PMS2: variants seen among roughly 807,000 people sequenced by gnomAD.
The protein encoded by PMS2 is mismatch repair endonuclease PMS2.
In PMS2, 69 loss-of-function variants were observed where a neutral mutation model predicts 90.0. That is an observed-to-expected ratio of 0.77 (90% CI 0.63 to 0.94). The LOEUF is 0.94. PMS2 is among the 40% of genes least tolerant of loss of function. PMS2 has a pLI of 0.00. For synonymous variants in PMS2, 332 were observed against 375.1 expected, an observed-to-expected ratio of 0.89 and a Z score of 1.33; for missense variants, 966 against 1,040.2, an observed-to-expected ratio of 0.93 and a Z score of 0.98.
rs183181386 is a variant in PMS2, at chr7:5,984,710, G to A, written c.2007-1719C>T. Among the ~76,000 whole-genome samples, 846 of 151,772 alleles carry A rather than the reference G, an allele frequency of 5.6e-3. 8 individuals are homozygous for A. The highest frequency in any genetic ancestry group is 0.014 in the Middle Eastern group (4 of 294). Reference sequence around the variant, plus strand: ...GAAGGCAGAAGAATCGTTTGAACCCGGGAGGCAGAGCTTGCAGTGAGCTGA... The same window carrying A: ...GAAGGCAGAAGAATCGTTTGAACCCAGGAGGCAGAGCTTGCAGTGAGCTGA... On this transcript the variant is annotated intron_variant, in intron 11 of 14. Coordinates refer to ENST00000265849, the MANE Select transcript of PMS2 (RefSeq NM_000535.7).
Position 6,004,078 on chromosome 7 carries a change from T to C in PMS2, c.164-20A>G. 1 of 1,350,396 alleles carries C rather than the reference T, an allele frequency of 7.4e-7. No individual in the cohort carries two copies. Among genetic ancestry groups the C allele is most frequent in the Non-Finnish European group, 1.1e-6 (1 of 945,042 alleles). 83.7% of individuals were successfully genotyped at this position (1,350,396 alleles called of 1,614,324 possible). ...TTAGATCTAGAAAGTTTAAAATATT[T>C]ACATATTTATTAAAAACGGACCCAT... On this transcript the variant is annotated intron_variant, in intron 2 of 14. Transcript: ENST00000265849.
At chr7:5,993,642 C>G (rs1178884262) in intron 8 of PMS2, among the ~76,000 whole-genome samples, 1 of 150,850 alleles carries the variant, frequency 6.6e-6, no homozygotes, top group African/African-American at 2.4e-5. Flanking sequence ...GCGGGTGGAT[C>G]ACGAGGTCAG....
At position 5,986,826 on chromosome 7, in the gene PMS2, T is replaced by A. The variant is rs201451115; in HGVS notation, c.1939A>T (p.Lys647Ter). Reference sequence around the variant, plus strand: ...CCAGGACAAATCTTTGCCCTAAACTTCCTGTAATTCTGTTCCCCTTCACTT... The same window carrying A: ...CCAGGACAAATCTTTGCCCTAAACTACCTGTAATTCTGTTCCCCTTCACTT... ...QQSEGEQNYR[K>*]FRAKICPGEN... is the part of the protein sequence containing the mutation. Residue 647 changes from lysine (K) to a stop codon, truncating the protein, a stop_gained, in exon 11 of 15, where the codon AAG (lysine) becomes TAG (stop). Transcript: ENST00000265849. LOFTEE classifies it high-confidence loss of function. 9 of 1,613,370 alleles carry A rather than the reference T, an allele frequency of 5.6e-6. No homozygotes were observed. Among genetic ancestry groups the A allele is most frequent in the Non-Finnish European group, 7.6e-6 (9 of 1,179,774 alleles).
Position 5,987,381 on chromosome 7 carries a change from T to C in PMS2, c.1384A>G (p.Ile462Val), listed in dbSNP as rs200116037. 9 of 1,614,214 alleles carry C rather than the reference T, an allele frequency of 5.6e-6. No homozygotes were observed. In the East Asian group the frequency reaches 1.1e-4, roughly 20 times the overall value. ...GMLSSSTSGA[I>V]SDKGVLRPQK... ...GGTCTCAGGACGCCTTTGTCAGAGA[T>C]GGCACCTGAAGTGCTAGAAGACAGC... Residue 462 changes from isoleucine (I) to valine (V), a missense_variant, in exon 11 of 15, where the codon ATC becomes GTC. Coordinates refer to ENST00000265849, the MANE Select transcript of PMS2 (RefSeq NM_000535.7).
At chr7:5,999,032 C>T (rs1206189572) in intron 6 of PMS2, 76 bp downstream of exon 6, 21 of 1,349,184 alleles carry the variant, frequency 1.6e-5, no homozygotes, top group Non-Finnish European at 2.1e-5. Flanking sequence ...ATTCTCCATT[C>T]TACTGGAAGG....
rs750763505 is a variant in PMS2 at position 5,973,334 on chromosome 7, A to G, written c.*65T>C. The G allele has an allele frequency of 1.5e-4, 192 of 1,308,472 alleles. 18 individuals are homozygous for G. The highest frequency in any genetic ancestry group is 2.1e-4 in the Non-Finnish European group (191 of 930,122). The allele number at this position is 1,308,472 out of a possible 1,614,324, so 81.1% of individuals were successfully genotyped here. A position where few individuals can be genotyped will look rare whatever the true frequency, so the allele number is the denominator to read the frequency against. On this transcript the variant is annotated 3_prime_UTR_variant, in exon 15 of 15. Coordinates refer to ENST00000265849, the MANE Select transcript of PMS2 (RefSeq NM_000535.7). ...CATTTTAAAACAAAAAAGGTTAGTG[A>G]AGACTCTGTCTTTCAAAACATAAAA...
upstream of PMS2, chr7:6,009,065 A>G (rs765248325): frequency 1.9e-6 from 3 of 1,607,724 alleles, no homozygotes; most frequent in African/African-American, 4.0e-5. Flanking sequence ...AGTTCCCTCC[A>G]GGGCTCCCAC....
Position 6,008,966 on chromosome 7 carries a change from G to A in PMS2, c.23+31C>T, listed in dbSNP as rs371201653. 9.5e-5 allele frequency: 153 copies of A among 1,612,270 alleles called. No homozygotes were observed. In the Middle Eastern group the frequency reaches 3.6e-3, roughly 38 times the overall value. ...GGGTCTCAAAGAGGGCGCGCGAGAG[G>A]GGACACCGGAAGACTGCGAGCCCCG... On this transcript the variant is annotated intron_variant, in intron 1 of 14. Transcript: ENST00000265849.
At chr7:5,990,044 G>A in intron 9 of PMS2, 89 bp from the exon 10 acceptor site, 1 of 918,604 alleles carries the variant, frequency 1.1e-6, no homozygotes, top group Non-Finnish European at 1.6e-6. Flanking sequence ...GTCTCACTCT[G>A]TCGCCTAGGC....
intron 13 of PMS2, among the ~76,000 whole-genome samples, chr7:5,978,143 T>C (rs1781914086): frequency 6.7e-6 from 1 of 150,206 alleles, no homozygotes; most frequent in African/African-American, 2.4e-5. Context: ...AGTGAACACC[T>C]GAAAGAGAGG....
chr7:5,984,125 G>A (rs1214130698), intron 11 of PMS2, among the ~76,000 whole-genome samples: 2 of 151,830 alleles, frequency 1.3e-5, no homozygotes, highest in South Asian at 2.1e-4. Flanking sequence ...GCATTTCCGT[G>A]AGACAGACGC....
At chr7:5,987,793 G>T (rs1299118915) in intron 10 of PMS2, among the ~76,000 whole-genome samples, 173 bp from the exon 11 acceptor site, 1 of 152,084 alleles carries the variant, frequency 6.6e-6, no homozygotes, top group Non-Finnish European at 1.5e-5. Context: ...GGTGGCTTAC[G>T]CCTGTTATCC....
At chr7:6,003,516 T>G in intron 4 of PMS2, 174 bp downstream of exon 4, 1 of 606,154 alleles carries the variant, frequency 1.6e-6, no homozygotes, top group Non-Finnish European at 2.9e-6. Flanking sequence ...TTTCATTCAT[T>G]TATTGCTCAC....
intron 9 of PMS2, among the ~76,000 whole-genome samples, chr7:5,990,255 G>A (rs1348614189): frequency 1.3e-5 from 2 of 152,174 alleles, no homozygotes; most frequent in African/African-American, 2.4e-5. Flanking sequence ...TGATCCACCC[G>A]CCTTGGCCTC....
intron 6 of PMS2, 109 bp from the exon 7 acceptor site, chr7:5,997,532 T>A: frequency 1.4e-6 from 1 of 709,680 alleles, no homozygotes; most frequent in South Asian, 1.7e-5. Flanking sequence ...CAAAAAAAAT[T>A]AAAAGAATCT....
At chr7:5,997,229 A>T (rs892698988) in intron 7 of PMS2, 97 bp downstream of exon 7, 48 of 715,080 alleles carry the variant, frequency 6.7e-5, no homozygotes, top group Non-Finnish European at 9.8e-5. Flanking sequence ...AAAAAAAAAA[A>T]GACACGAAAC....
chr7:5,989,860 T>C lies in PMS2; in HGVS notation c.1084A>G (p.Met362Val), dbSNP rs876659797. 5.0e-6 allele frequency: 8 copies of C among 1,612,916 alleles called. No homozygotes were observed. The highest frequency in any genetic ancestry group is 6.8e-6 in the Non-Finnish European group (8 of 1,179,168). Residue 362 changes from methionine to valine, a missense_variant, in exon 10 of 15, where the codon ATG becomes GTG. This residue lies in a region of PMS2 where 871 missense variants were observed against 802.4 expected (regional missense o/e 1.09). Coordinates refer to ENST00000265849, the MANE Select transcript of PMS2 (RefSeq NM_000535.7). ...LAVLKTSLIG[M>V]FDSDVNKLNV... ...AGCTTGTTGACATCACTATCAAACA[T>C]TCCTATCAAAGAGGTCTTTAAAACT...
In PMS2 at chr7:5,991,065, GTATT is replaced by G. The variant is rs907263199; in HGVS notation, c.988+904_988+907del. Among the ~76,000 whole-genome samples, 36 of 152,078 alleles carry G rather than the reference GTATT, an allele frequency of 2.4e-4. 1 individual carries two copies. Among genetic ancestry groups the G allele is most frequent in the Admixed American group, 1.8e-3 (27 of 15,240 alleles). ...AGATAATGATTTAATTATAAGGAAAGTATTTATAATTTCCAAAAACTAAAAACAA... is the reference window on the plus strand; with the variant it reads ...AGATAATGATTTAATTATAAGGAAAGTATAATTTCCAAAAACTAAAAACAA... On this transcript the variant is annotated intron_variant, in intron 9 of 14. Transcript: ENST00000265849.
intron 1 of PMS2, among the ~76,000 whole-genome samples, chr7:6,008,442 C>G (rs1462345031): frequency 1.2e-4 from 18 of 151,914 alleles, no homozygotes; most frequent in Non-Finnish European, 2.1e-4. Flanking sequence ...TCTACCGTCC[C>G]CAAAATAACC....
Sources: gnomAD v4.1 joint callset for allele counts (sites outside exome capture counted in the v4.1 genomes callset) on GRCh38, gnomAD v4.1.1 for gene constraint, gnomAD v4.1.1 regional missense constraint, MANE v1.5 for transcripts, NCBI Gene and HGNC (gene_info 2026-07-23, HGNC 2026-07-21) for gene names.